The following LINGO1 variants were observed in gnomAD, a reference collection of about 807,000 sequenced individuals.
The protein encoded by LINGO1 is leucine-rich repeat and immunoglobulin-like domain-containing nogo receptor-interacting protein 1.
LINGO1 carries 11 observed loss-of-function variants against 37.3 expected under a neutral mutation model. The ratio of observed to expected loss-of-function variants is 0.29; its 90% CI spans 0.19 to 0.49. The LOEUF is 0.49. Ranked by LOEUF, LINGO1 falls within the 20% of genes least tolerant of loss-of-function variation. The probability of loss-of-function intolerance (pLI) is 0.99; values close to 1 mark genes in which losing one functional copy is unlikely to be tolerated. For missense variants in LINGO1, 585 were observed against 878.2 expected, an observed-to-expected ratio of 0.67 and a Z score of 4.22; for synonymous variants, 387 against 403.0, an observed-to-expected ratio of 0.96 and a Z score of 0.48.
At chr15:77,783,143 G>T (rs1596226931) in intron 1 of LINGO1, among the ~76,000 whole-genome samples, 1 of 152,016 alleles carries the variant, frequency 6.6e-6, no homozygotes, top group Non-Finnish European at 1.5e-5. Context: ...TGCTCATTCA[G>T]CCCCAGCCAC....
rs376831047 is a variant in LINGO1 at position 77,614,380 on chromosome 15, G to A, written c.1527C>T (p.Pro509=). 26 of 1,613,502 alleles carry A rather than the reference G, an allele frequency of 1.6e-5. No individual in the cohort carries two copies. The South Asian group carries it at 2.0e-4, about 12-fold the overall frequency. ...AANAGGNDSM[P]AHLHVRSYSP... ...AGTAGCTGCGCACATGCAGGTGGGC[G>A]GGCATGGAGTCGTTGCCGCCCGCGT... The change falls in exon 2 of 2, where the codon CCC becomes CCT. Residue 509 remains proline, a synonymous_variant. Coordinates refer to ENST00000355300, the MANE Select transcript of LINGO1 (RefSeq NM_032808.7).
chr15:77,684,642 G>A (rs893669111), intron 2 of LINGO1, among the ~76,000 whole-genome samples: 1 of 152,352 alleles, frequency 6.6e-6, no homozygotes, highest in South Asian at 2.1e-4. Flanking sequence ...TAGGCTCCCC[G>A]GGGCTGGTCT....
At chr15:77,652,520 G>A (rs1024090524) in intron 3 of LINGO1, among the ~76,000 whole-genome samples, 4 of 151,012 alleles carry the variant, frequency 2.6e-5, no homozygotes, top group Admixed American at 2.0e-4. Context: ...GTGTGTGTGT[G>A]TGTGTGTGTG....
exon 2 of LINGO1, chr15:77,796,009 T>A (rs559266497): frequency 6.6e-6 from 1 of 152,440 alleles, no homozygotes; most frequent in South Asian, 2.1e-4. Flanking sequence ...AGTCGCCCTC[T>A]CTGCCTGTGG....
intron 3 of LINGO1, among the ~76,000 whole-genome samples, chr15:77,665,895 G>A (rs1266525772): frequency 6.6e-6 from 1 of 152,138 alleles, no homozygotes; most frequent in Non-Finnish European, 1.5e-5. Flanking sequence ...GCTCTTCTGT[G>A]CAGCCTCTCT....
intron 2 of LINGO1, among the ~76,000 whole-genome samples, chr15:77,710,138 G>T (rs936976744): frequency 3.3e-5 from 5 of 152,306 alleles, no homozygotes; most frequent in East Asian, 3.9e-4. Flanking sequence ...GGAACCCCAG[G>T]GGGGCAGGGG....
At chr15:77,663,689 G>C (rs183645732) in intron 3 of LINGO1, among the ~76,000 whole-genome samples, 1 of 152,150 alleles carries the variant, frequency 6.6e-6, no homozygotes, top group African/African-American at 2.4e-5. Flanking sequence ...TCTCTGCGTG[G>C]GGGTGCGCTT....
At chr15:77,737,782 G>C (rs1350621344) in intron 1 of LINGO1, among the ~76,000 whole-genome samples, 1 of 152,048 alleles carries the variant, frequency 6.6e-6, no homozygotes, top group Admixed American at 6.5e-5. Context: ...CCAGGACTCG[G>C]CCTCTCCTGG....
intron 1 of LINGO1, among the ~76,000 whole-genome samples, chr15:77,619,401 C>T (rs573061172): frequency 6.0e-4 from 91 of 152,166 alleles, no homozygotes; most frequent in Non-Finnish European, 1.1e-3. Context: ...GGCATGGTGG[C>T]GCTGCAATCC....
At chr15:77,710,815 C>G (rs1415654689) in intron 2 of LINGO1, among the ~76,000 whole-genome samples, 1 of 152,276 alleles carries the variant, frequency 6.6e-6, no homozygotes. Context: ...GCCGGGCCGC[C>G]AGGCCCCCAG....
chr15:77,639,258 T>C (rs1346774716), upstream of LINGO1, among the ~76,000 whole-genome samples: 1 of 152,138 alleles, frequency 6.6e-6, no homozygotes, highest in African/African-American at 2.4e-5. Flanking sequence ...TGGGAGGTAA[T>C]ACATATTTGC....
intron 2 of LINGO1, among the ~76,000 whole-genome samples, chr15:77,727,338 C>T (rs950987934): frequency 6.6e-6 from 1 of 152,118 alleles, no homozygotes; most frequent in African/African-American, 2.4e-5. Flanking sequence ...GGAAACAACC[C>T]AACTGTCTAT....
At chr15:77,777,527 C>A (rs948174019) in intron 1 of LINGO1, among the ~76,000 whole-genome samples, 21 of 151,868 alleles carry the variant, frequency 1.4e-4, no homozygotes, top group African/African-American at 5.1e-4. Flanking sequence ...TGCGAGTGCA[C>A]GCCATTCACT....
intron 1 of LINGO1, among the ~76,000 whole-genome samples, chr15:77,746,300 G>A (rs1324015208): frequency 2.0e-5 from 3 of 152,086 alleles, no homozygotes; most frequent in Non-Finnish European, 4.4e-5. Flanking sequence ...AGCAAAATGG[G>A]TATAAACAAC....
chr15:77,686,405 C>G (rs937406872), intron 2 of LINGO1, among the ~76,000 whole-genome samples: 1 of 152,256 alleles, frequency 6.6e-6, no homozygotes, highest in Non-Finnish European at 1.5e-5. Context: ...CAAGTTCACC[C>G]TCAGCAATAC....
In LINGO1 at chr15:77,627,247, C is replaced by T. The variant is rs540626709; in HGVS notation, c.6+5063G>A. On this transcript the variant is annotated intron_variant, in intron 1 of 1. Coordinates refer to ENST00000355300, the MANE Select transcript of LINGO1 (RefSeq NM_032808.7). Reference sequence around the variant, plus strand: ...ATAGGCATAATTATTCCGCCAGCCCCGGTGCTCGTCTTTAACCAGCTCCAG... The same window carrying T: ...ATAGGCATAATTATTCCGCCAGCCCTGGTGCTCGTCTTTAACCAGCTCCAG... Among the ~76,000 whole-genome samples, 13 of 152,206 alleles carry T rather than the reference C, an allele frequency of 8.5e-5. No homozygotes were observed. The South Asian group carries it at 1.0e-3, about 12-fold the overall frequency.
intron 1 of LINGO1, among the ~76,000 whole-genome samples, chr15:77,772,443 T>C (rs1318819087): frequency 6.6e-6 from 1 of 152,102 alleles, no homozygotes; most frequent in African/African-American, 2.4e-5. Context: ...GAGCTCAGCG[T>C]GTGAGTAGGC....
In LINGO1 at chr15:77,632,158, G is replaced by A. The variant is rs920294437; in HGVS notation, c.6+152C>T. ...AAGAATTTTCATTTCTGAGGCTTGAGGGGAAATCAGGCCTATGACCCCAAA... is the reference window on the plus strand; with the variant it reads ...AAGAATTTTCATTTCTGAGGCTTGAAGGGAAATCAGGCCTATGACCCCAAA... On this transcript the variant is annotated intron_variant, in intron 1 of 1. Transcript: ENST00000355300. The surrounding 1 kb of genome is among the most constrained non-coding windows in gnomAD (Gnocchi z 6.0). 6.6e-6 allele frequency among the ~76,000 whole-genome samples: 1 copy of A among 152,188 alleles called. No homozygotes were observed. The highest frequency in any genetic ancestry group is 2.4e-5 in the African/African-American group (1 of 41,474).
chr15:77,629,629 A>G (rs2142583060), intron 1 of LINGO1, among the ~76,000 whole-genome samples: 1 of 152,262 alleles, frequency 6.6e-6, no homozygotes. Flanking sequence ...AGCTCTGTGC[A>G]TTCATGCACA....
Sources: allele counts gnomAD v4.1 joint callset (sites outside exome capture counted in the v4.1 genomes callset), GRCh38; gene constraint gnomAD v4.1.1; non-coding constraint Gnocchi (gnomAD v3.1); transcripts MANE v1.5; gene names NCBI Gene and HGNC (gene_info 2026-07-23, HGNC 2026-07-21).